The following RASAL2 variants were observed in gnomAD, a reference collection of about 807,000 sequenced individuals.
The protein encoded by RASAL2 is ras GTPase-activating protein nGAP.
RASAL2 carries 58 observed loss-of-function variants against 128.9 expected under a neutral mutation model. The ratio of observed to expected loss-of-function variants is 0.45; its 90% confidence interval spans 0.36 to 0.56. The LOEUF (loss-of-function observed/expected upper bound fraction) is 0.56. Ranked by LOEUF, RASAL2 falls within the 20% of genes least tolerant of loss-of-function variation. RASAL2 has a pLI of 0.00. For missense variants in RASAL2, 1,360 were observed against 1,601.6 expected (o/e 0.85, Z 2.57); for synonymous variants, 561 against 580.8 (o/e 0.97, Z 0.49).
At chr1:178,465,547 G>T (rs1016180347) in intron 15 of RASAL2, among the ~76,000 whole-genome samples, 6 of 151,018 alleles carry the variant, frequency 4.0e-5, no homozygotes, top group Admixed American at 2.6e-4. Flanking sequence ...ACTTCATCTG[G>T]TTTTTTTTTC....
intron 5 of RASAL2, among the ~76,000 whole-genome samples, chr1:178,429,029 T>G (rs1041174992): frequency 6.6e-6 from 1 of 152,086 alleles, no homozygotes; most frequent in Admixed American, 6.6e-5. Context: ...AAGCTGACTT[T>G]TCTCTCATGG....
At chr1:178,148,148 G>A (rs958995224) in intron 1 of RASAL2, among the ~76,000 whole-genome samples, 26 of 151,630 alleles carry the variant, frequency 1.7e-4, no homozygotes, top group Non-Finnish European at 5.9e-5. Context: ...CTACACTGGA[G>A]TAACTGACAT....
chr1:178,147,730 T>C (rs1248734579), intron 1 of RASAL2, among the ~76,000 whole-genome samples: 1 of 152,198 alleles, frequency 6.6e-6, no homozygotes, highest in East Asian at 1.9e-4. Flanking sequence ...GAGCAACTTA[T>C]TTCCAAATTT....
In RASAL2 at chr1:178,429,460, C is replaced by T. The variant is rs578243280; in HGVS notation, c.674+8840C>T. On this transcript the variant is annotated intron_variant, in intron 5 of 17. Transcript: ENST00000367649. ...TTTCCCATTCTCCATTCTCTGACCA[C>T]TTTTTATAGTCTTGACATAACTGAG... Among the ~76,000 whole-genome samples the T allele has an allele frequency of 2.6e-5, 4 of 152,254 alleles. No individual in the cohort carries two copies. In the East Asian group the frequency reaches 5.8e-4, roughly 22 times the overall value.
At chr1:178,367,896 A>ATTGTTG (rs1299583889) in intron 3 of RASAL2, among the ~76,000 whole-genome samples, 5 of 152,248 alleles carry the variant, frequency 3.3e-5, no homozygotes, top group African/African-American at 1.2e-4. Flanking sequence ...AAGTACTGAA[A>ATTGTTG]ATATGTTGCC....
chr1:178,334,914 G>A (rs891784740), intron 3 of RASAL2, among the ~76,000 whole-genome samples: 3 of 151,922 alleles, frequency 2.0e-5, no homozygotes, highest in East Asian at 1.9e-4. Context: ...CTGAGATTGC[G>A]CCACTGCACT....
chr1:178,469,964 T>C (rs932330526), intron 17 of RASAL2, among the ~76,000 whole-genome samples: 2 of 152,200 alleles, frequency 1.3e-5, no homozygotes, highest in East Asian at 1.9e-4. Context: ...CTAAACACTA[T>C]AGTTAAATTT....
Position 178,174,560 on chromosome 1 carries a change from G to A in RASAL2, c.202+79866G>A, listed in dbSNP as rs551135356. On this transcript the variant is annotated intron_variant, in intron 1 of 17. Coordinates refer to ENST00000367649, the MANE Select transcript of RASAL2 (RefSeq NM_170692.4). Reference sequence around the variant, plus strand: ...AATGGGTACTTTTCTTATCAGGTTGGCACCTGATAAAATGAGTTGCATAGG... The same window carrying A: ...AATGGGTACTTTTCTTATCAGGTTGACACCTGATAAAATGAGTTGCATAGG... Among the ~76,000 whole-genome samples, 140 of 152,208 alleles carry A rather than the reference G, an allele frequency of 9.2e-4. 1 individual carries two copies. The highest frequency in any genetic ancestry group is 2.1e-3 in the Admixed American group (32 of 15,272).
intron 9 of RASAL2, among the ~76,000 whole-genome samples, chr1:178,447,595 A>G (rs2102867745): frequency 6.8e-6 from 1 of 147,276 alleles, no homozygotes; most frequent in East Asian, 2.1e-4. Flanking sequence ...TGCTTGAACC[A>G]GAGAGGTGGA....
intron 1 of RASAL2, among the ~76,000 whole-genome samples, chr1:178,104,212 C>A (rs1659008797): frequency 6.6e-6 from 1 of 152,038 alleles, no homozygotes; most frequent in Admixed American, 6.6e-5. Flanking sequence ...GTTGTCCTAC[C>A]ATCATTTGTT....
chr1:178,391,282 G>T (rs964281279), intron 4 of RASAL2, among the ~76,000 whole-genome samples: 56 of 152,048 alleles, frequency 3.7e-4, no homozygotes, highest in African/African-American at 1.3e-3. Flanking sequence ...TCAAGAAAAA[G>T]TGAGATTATA....
At chr1:178,311,719 C>T (rs1668260728) in intron 3 of RASAL2, among the ~76,000 whole-genome samples, 1 of 151,998 alleles carries the variant, frequency 6.6e-6, no homozygotes, top group Non-Finnish European at 1.5e-5. Flanking sequence ...GTAGAATACC[C>T]CTTGGTGTAT....
chr1:178,129,382 T>G (rs2102297623), intron 1 of RASAL2, among the ~76,000 whole-genome samples: 1 of 152,286 alleles, frequency 6.6e-6, no homozygotes, highest in East Asian at 1.9e-4. Context: ...TACTATATAT[T>G]TGTATATTTT....
chr1:178,378,578 C>T (rs1258558654), intron 3 of RASAL2, among the ~76,000 whole-genome samples: 4 of 152,028 alleles, frequency 2.6e-5, no homozygotes, highest in South Asian at 2.1e-4. Context: ...CAAAGTTATA[C>T]GGATTGCATT....
chr1:178,301,518 C>T (rs1235676424), intron 3 of RASAL2, among the ~76,000 whole-genome samples: 3 of 151,962 alleles, frequency 2.0e-5, no homozygotes, highest in Non-Finnish European at 4.4e-5. Flanking sequence ...CTGCAGCCTC[C>T]ACCTACTTGG....
chr1:178,472,893 C>A (rs941982086), intron 17 of RASAL2, among the ~76,000 whole-genome samples, 182 bp from the exon 18 acceptor site: 1 of 152,166 alleles, frequency 6.6e-6, no homozygotes, highest in Non-Finnish European at 1.5e-5. Flanking sequence ...AAACACAGAT[C>A]CACTGGGCTC....
chr1:178,145,792 G>C (rs931227341), intron 1 of RASAL2, among the ~76,000 whole-genome samples: 1 of 152,100 alleles, frequency 6.6e-6, no homozygotes, highest in Admixed American at 6.6e-5. Flanking sequence ...AGTATCCTTA[G>C]GTAGCAGCAA....
intron 1 of RASAL2, among the ~76,000 whole-genome samples, chr1:178,186,187 C>A (rs1026565209): frequency 2.0e-5 from 3 of 150,248 alleles, no homozygotes; most frequent in African/African-American, 7.3e-5. Context: ...ATTTATTGTC[C>A]GCATAACGTC....
At chr1:178,443,498 G>A (rs907475519) in intron 8 of RASAL2, among the ~76,000 whole-genome samples, 1 of 152,128 alleles carries the variant, frequency 6.6e-6, no homozygotes, top group African/African-American at 2.4e-5. Context: ...AAAATAAATG[G>A]TAGGATTGGC....
Sources: gnomAD v4.1 joint callset for allele counts (sites outside exome capture counted in the v4.1 genomes callset) on GRCh38, gnomAD v4.1.1 for gene constraint, MANE v1.5 for transcripts, NCBI Gene and HGNC (gene_info 2026-07-23, HGNC 2026-07-21) for gene names.